The following SAP130 variants were observed in gnomAD, a reference collection of about 807,000 sequenced individuals.
SAP130 encodes the protein Sin3A associated protein 130, also known as histone deacetylase complex subunit SAP130.
SAP130 carries 16 observed loss-of-function variants against 103.2 expected under a neutral mutation model. The ratio of observed to expected loss-of-function variants is 0.16; its 90% confidence interval spans 0.10 to 0.24. The LOEUF (loss-of-function observed/expected upper bound fraction) is 0.24. SAP130 is among the 10% of genes least tolerant of loss of function. The probability of loss-of-function intolerance (pLI) is 1.00; values close to 1 mark genes in which losing one functional copy is unlikely to be tolerated. For missense variants in SAP130, 990 were observed against 1,359.7 expected (o/e 0.73, Z 4.28); for synonymous variants, 477 against 497.0 (o/e 0.96, Z 0.53).
At position 127,942,746 on chromosome 2, in the gene SAP130, T is replaced by C. The variant is rs1678796276; in HGVS notation, c.2902-209A>G. On this transcript the variant is annotated intron_variant, in intron 19 of 20. Transcript: ENST00000643581. The surrounding 1 kb of genome is among the most constrained non-coding windows in gnomAD (Gnocchi z 4.8). ...GCTCACGCCTATAATCCCAGCACTT[T>C]GGGAGGTCGAGGCGGGTGGATCACC... 6.6e-6 allele frequency among the ~76,000 whole-genome samples: 1 copy of C among 152,126 alleles called. No individual in the cohort carries two copies.
Position 128,027,994 on chromosome 2 carries a change from C to G in SAP130, c.-61G>C, listed in dbSNP as rs1344348081. The stretch of plus-strand genomic sequence containing the variant: ...CGCCTTGAGCTCGCTCCCGCGCGCT[C>G]TCCGTCTGTGGGGCCGACGTCCCCA... On this transcript the variant is annotated 5_prime_UTR_variant, in exon 1 of 21. Transcript: ENST00000643581. 1 of 985,706 alleles carries G rather than the reference C, an allele frequency of 1.0e-6. No homozygotes were observed. Among genetic ancestry groups the G allele is most frequent in the African/African-American group, 1.7e-5 (1 of 57,250 alleles). The allele number at this position is 985,706 out of a possible 1,614,324, so 61.1% of individuals were successfully genotyped here. A position where few individuals can be genotyped will look rare whatever the true frequency, so the allele number is the denominator to read the frequency against.
Position 127,986,728 on chromosome 2 carries a change from G to C in SAP130, c.1958+57C>G. On this transcript the variant is annotated intron_variant, in intron 14 of 20. Coordinates refer to ENST00000643581, the MANE Select transcript of SAP130 (RefSeq NM_001330301.2). The surrounding 1 kb of genome is among the most constrained non-coding windows in gnomAD (Gnocchi z 4.7). ...AGCATTAGATAAGAGTGCCTATTAT[G>C]TATACCAGTTATATCCAGAACCAGA... 6.5e-7 allele frequency: 1 copy of C among 1,536,284 alleles called. No individual in the cohort carries two copies. The highest frequency in any genetic ancestry group is 8.9e-7 in the Non-Finnish European group (1 of 1,118,428).
Position 127,996,938 on chromosome 2 carries a change from A to T in SAP130, c.1214-447T>A, listed in dbSNP as rs1683217324. Among the ~76,000 whole-genome samples, 2 of 152,080 alleles carry T rather than the reference A, an allele frequency of 1.3e-5. No homozygotes were observed. The highest frequency in any genetic ancestry group is 2.9e-5 in the Non-Finnish European group (2 of 68,018). On this transcript the variant is annotated intron_variant, in intron 10 of 20. Transcript: ENST00000643581. This position sits in a 1 kb window ranked among gnomAD's most constrained non-coding sequence, Gnocchi z 4.3. ...TCTCAAAATAAATAAATAAACACAC[A>T]ATTTTGGATTAAAAAACGGAAAAAA...
chr2:128,018,352 A>G (rs952580852), intron 2 of SAP130, among the ~76,000 whole-genome samples: 2 of 149,028 alleles, frequency 1.3e-5, no homozygotes, highest in Admixed American at 1.3e-4. Context: ...ACCAAAAACC[A>G]CGTTTTTTTG....
chr2:127,985,788 T>TG (rs1208244582), intron 14 of SAP130, among the ~76,000 whole-genome samples: 1 of 151,890 alleles, frequency 6.6e-6, no homozygotes, highest in Non-Finnish European at 1.5e-5. Context: ...GCCCTGATCC[T>TG]GTGCCTGTAA....
chr2:127,956,702 TAA>T (rs55931869), intron 15 of SAP130, among the ~76,000 whole-genome samples: 7,551 of 111,292 alleles, frequency 0.068, 318 homozygotes, highest in African/African-American at 0.14. Context: ...TAAAGTATAA[TAA>T]AAAAAAAAAA....
At chr2:127,964,824 C>G (rs1223522311) in intron 15 of SAP130, among the ~76,000 whole-genome samples, 1 of 151,998 alleles carries the variant, frequency 6.6e-6, no homozygotes, top group South Asian at 2.1e-4. Flanking sequence ...TGGTGAAACC[C>G]CGTCTCTACT....
chr2:128,008,118 T>C (rs545555803), intron 7 of SAP130, among the ~76,000 whole-genome samples: 65 of 152,264 alleles, frequency 4.3e-4, no homozygotes, highest in African/African-American at 1.5e-3. Flanking sequence ...ACAATTCCTC[T>C]CTCCACACCT....
chr2:127,981,841 C>T (rs1178086872), intron 14 of SAP130, among the ~76,000 whole-genome samples: 1 of 149,396 alleles, frequency 6.7e-6, no homozygotes, highest in Non-Finnish European at 1.5e-5. Flanking sequence ...TCCTCTTGCA[C>T]CCGACTCAGC....
At chr2:128,014,090 T>C (rs996365276) in intron 5 of SAP130, among the ~76,000 whole-genome samples, 3 of 152,186 alleles carry the variant, frequency 2.0e-5, no homozygotes, top group Non-Finnish European at 2.9e-5. Context: ...AGTTCCTCAA[T>C]ATATAGGACA....
chr2:127,941,638 C>A lies in SAP130; in HGVS notation c.*368G>T. On this transcript the variant is annotated 3_prime_UTR_variant, in exon 21 of 21. Transcript: ENST00000643581. ...GATGGTCCGAGTGGATACTTTCAGT[C>A]CAGGCTCAGTATGGGGCCTGCAGGA... 1 of 218,858 alleles carries A rather than the reference C, an allele frequency of 4.6e-6. No homozygotes were observed. The allele number at this position is 218,858 out of a possible 1,614,324, so 13.6% of individuals were successfully genotyped here. A position where few individuals can be genotyped will look rare whatever the true frequency, so the allele number is the denominator to read the frequency against.
intron 12 of SAP130, among the ~76,000 whole-genome samples, chr2:127,990,809 C>T (rs1052350214): frequency 6.6e-6 from 1 of 151,840 alleles, no homozygotes; most frequent in African/African-American, 2.4e-5. Context: ...GGCATCATAA[C>T]ACATGCCTGT....
chr2:128,006,836 A>C (rs545701501), intron 7 of SAP130, among the ~76,000 whole-genome samples: 100 of 152,352 alleles, frequency 6.6e-4, no homozygotes, highest in Middle Eastern at 3.4e-3. Flanking sequence ...GATAGTGCTT[A>C]AAATTTTTTT....
intron 2 of SAP130, among the ~76,000 whole-genome samples, chr2:128,024,999 T>A: frequency 9.4e-6 from 1 of 106,372 alleles, no homozygotes; most frequent in Admixed American, 1.1e-4. Context: ...GAGACCCTAT[T>A]GCGCAAAAAA....
At position 127,953,309 on chromosome 2, in the gene SAP130, C is replaced by G. The variant is rs1046044817; in HGVS notation, c.2422+1677G>C. Among the ~76,000 whole-genome samples, 2 of 152,232 alleles carry G rather than the reference C, an allele frequency of 1.3e-5. No homozygotes were observed. The highest frequency in any genetic ancestry group is 2.9e-5 in the Non-Finnish European group (2 of 68,034). On this transcript the variant is annotated intron_variant, in intron 16 of 20. Transcript: ENST00000643581. The surrounding 1 kb of genome is among the most constrained non-coding windows in gnomAD (Gnocchi z 4.0). ...ATAAACAGAATCCTACCACCTCACA[C>G]CACTTCCGCTACTACTACCCTGGTT...
chr2:127,976,739 G>A (rs977940539), intron 15 of SAP130, among the ~76,000 whole-genome samples: 12 of 152,098 alleles, frequency 7.9e-5, no homozygotes, highest in Admixed American at 1.3e-4. Context: ...GTGAAACTCC[G>A]TCTCTACTAA....
intron 7 of SAP130, among the ~76,000 whole-genome samples, chr2:128,003,538 G>A (rs1372024142): frequency 6.6e-6 from 1 of 151,060 alleles, no homozygotes; most frequent in Non-Finnish European, 1.5e-5. Flanking sequence ...GACTACAGGT[G>A]GGCGTCAAGA....
At chr2:127,988,185 G>C (rs183394632) in intron 13 of SAP130, among the ~76,000 whole-genome samples, 2 of 152,130 alleles carry the variant, frequency 1.3e-5, no homozygotes, top group South Asian at 2.1e-4. Context: ...CACTTTGGGA[G>C]GACAAGGCTG....
chr2:128,020,966 G>C (rs946322730), intron 2 of SAP130, among the ~76,000 whole-genome samples: 1 of 151,984 alleles, frequency 6.6e-6, no homozygotes, highest in Non-Finnish European at 1.5e-5. Context: ...CTCCAGCCTG[G>C]GCAACGAAGC....
Sources: allele counts gnomAD v4.1 joint callset (sites outside exome capture counted in the v4.1 genomes callset), GRCh38; gene constraint gnomAD v4.1.1; non-coding constraint Gnocchi (gnomAD v3.1); transcripts MANE v1.5; gene names NCBI Gene and HGNC (gene_info 2026-07-23, HGNC 2026-07-21).